The following TUT4 variants were observed in gnomAD, a reference collection of about 807,000 sequenced individuals.
The protein encoded by TUT4 is terminal uridylyltransferase 4.
In TUT4, 36 loss-of-function variants were observed where a neutral mutation model predicts 192.2. The ratio of observed to expected loss-of-function variants is 0.19; its 90% CI spans 0.14 to 0.25. TUT4 has a LOEUF of 0.25. Among genes scored for constraint, TUT4 ranks in the 10% least tolerant of loss-of-function variants. The probability of loss-of-function intolerance (pLI) is 1.00; values close to 1 mark genes in which losing one functional copy is unlikely to be tolerated. For synonymous variants in TUT4, 618 were observed against 666.0 expected (o/e 0.93, Z 1.11); for missense variants, 1,493 against 1,957.2 (o/e 0.76, Z 4.47).
At chr1:52,490,836 C>A in intron 7 of TUT4, 35 bp from the exon 8 acceptor site, 1 of 1,510,746 alleles carries the variant, frequency 6.6e-7, no homozygotes, top group Non-Finnish European at 9.1e-7. Context: ...CTAATGTCAA[C>A]ATCTCTAAAA....
At chr1:52,477,644 T>G (rs1667446052) in intron 12 of TUT4, 64 bp downstream of exon 12, 1 of 1,444,434 alleles carries the variant, frequency 6.9e-7, no homozygotes, top group Non-Finnish European at 9.4e-7. Context: ...TTATTAACAC[T>G]GAATTAGATA....
intron 20 of TUT4, among the ~76,000 whole-genome samples, chr1:52,457,242 T>C (rs1661235263): frequency 1.4e-5 from 2 of 146,984 alleles, no homozygotes. Context: ...TTTTCTTTTC[T>C]TTTTTTTTTT....
intron 7 of TUT4, among the ~76,000 whole-genome samples, chr1:52,491,267 T>C (rs1322474063): frequency 6.6e-6 from 1 of 152,142 alleles, no homozygotes; most frequent in Non-Finnish European, 1.5e-5. Context: ...TTCCCGTTAG[T>C]ATATGAAGAG....
At chr1:52,427,022 G>C (rs1231854970) in intron 28 of TUT4, among the ~76,000 whole-genome samples, 2 of 152,004 alleles carry the variant, frequency 1.3e-5, no homozygotes, top group African/African-American at 2.4e-5. Context: ...ATAATATTAA[G>C]TATAGCTTAT....
chr1:52,431,146 T>C lies in TUT4; in HGVS notation c.4578A>G (p.Leu1526=), dbSNP rs113324238. 2.7e-5 allele frequency: 44 copies of C among 1,614,238 alleles called. No individual in the cohort carries two copies. The East Asian group carries it at 3.6e-4, about 13-fold the overall frequency. ...APGSAPSNIG[L]NDPSIIFAQP... ...GTGCAAAGATGATGCTGGGATCATT[T>C]AGGCCAATATTGCTGGGGGCACTGC... Residue 1526 remains leucine, a synonymous_variant, in exon 28 of 30, where the codon CTA becomes CTG. Transcript: ENST00000257177.
At chr1:52,549,671 A>G (rs936483575) in intron 1 of TUT4, among the ~76,000 whole-genome samples, 2 of 152,224 alleles carry the variant, frequency 1.3e-5, no homozygotes, top group Non-Finnish European at 2.9e-5. Context: ...TCACATATAC[A>G]TTATATTAGG....
At chr1:52,538,968 A>G (rs1685740246) in intron 1 of TUT4, among the ~76,000 whole-genome samples, 1 of 152,264 alleles carries the variant, frequency 6.6e-6, no homozygotes, top group Admixed American at 6.5e-5. Context: ...GGAATCCCGG[A>G]ATTACAGATG....
At chr1:52,474,718 T>C (rs1666656264) in intron 13 of TUT4, 114 bp downstream of exon 13, 1 of 910,920 alleles carries the variant, frequency 1.1e-6, no homozygotes, top group Admixed American at 3.1e-5. Flanking sequence ...CAAAATATCA[T>C]TCCAAAACAA....
At chr1:52,477,561 T>C in intron 12 of TUT4, 147 bp downstream of exon 12, 4 of 805,276 alleles carry the variant, frequency 5.0e-6, no homozygotes, top group Non-Finnish European at 7.3e-6. Flanking sequence ...GGCAAGACCC[T>C]GTCTCTAAAA....
chr1:52,485,212 GTT>G (rs1669489434), intron 9 of TUT4, among the ~76,000 whole-genome samples: 1 of 152,032 alleles, frequency 6.6e-6, no homozygotes, highest in Non-Finnish European at 1.5e-5. Flanking sequence ...CTTCCTTAGT[GTT>G]TTATAATTTA....
At chr1:52,501,781 A>G (rs1257213785) in intron 4 of TUT4, among the ~76,000 whole-genome samples, 1 of 152,196 alleles carries the variant, frequency 6.6e-6, no homozygotes, top group East Asian at 1.9e-4. Context: ...TCAACCTCAA[A>G]AAGGAAAGAA....
At chr1:52,497,467 T>C (rs1372642229) in intron 4 of TUT4, among the ~76,000 whole-genome samples, 1 of 152,210 alleles carries the variant, frequency 6.6e-6, no homozygotes, top group East Asian at 1.9e-4. Context: ...AAAGCCAAGG[T>C]ACCTTAAGTA....
intron 13 of TUT4, among the ~76,000 whole-genome samples, chr1:52,472,584 T>C (rs1245090873): frequency 2.0e-5 from 3 of 150,872 alleles, no homozygotes; most frequent in Admixed American, 2.0e-4. Flanking sequence ...ATTAAATTAT[T>C]TAATATTTAA....
In TUT4 at chr1:52,503,621, G is replaced by A. The variant is rs116793460; in HGVS notation, c.999+5975C>T. 7.7e-3 allele frequency among the ~76,000 whole-genome samples: 1,176 copies of A among 151,928 alleles called. 3 individuals are homozygous for A. Among genetic ancestry groups the A allele is most frequent in the Middle Eastern group, 0.027 (8 of 294 alleles). ...TTTTTAATTGACAGGATTTTGCTAC[G>A]TGGCCCAGTATGGACCCAAACCCCT... On this transcript the variant is annotated intron_variant, in intron 4 of 29. Transcript: ENST00000257177.
rs762315650 is a variant in TUT4, at chr1:52,423,584, T to C, written c.*351A>G. ...CTAATAGAAAATAAAGAATGTAATT[T>C]TTTAAATTCTCTCTTTATACAATTC... On this transcript the variant is annotated 3_prime_UTR_variant, in exon 30 of 30. Transcript: ENST00000257177. 1.3e-5 allele frequency: 4 copies of C among 306,070 alleles called. No individual in the cohort carries two copies. Among genetic ancestry groups the C allele is most frequent in the Non-Finnish European group, 2.5e-5 (4 of 158,644 alleles). The allele number at this position is 306,070 out of a possible 1,614,324, so 19.0% of individuals were successfully genotyped here.
intron 14 of TUT4, among the ~76,000 whole-genome samples, chr1:52,471,008 C>CTTTT (rs771331613): frequency 3.7e-5 from 3 of 82,156 alleles, no homozygotes; most frequent in African/African-American, 6.1e-5. Flanking sequence ...GCACTCTATG[C>CTTTT]TTTTTTTTTT....
intron 19 of TUT4, among the ~76,000 whole-genome samples, chr1:52,460,705 G>C (rs1417443856): frequency 3.9e-5 from 6 of 152,154 alleles, no homozygotes; most frequent in Non-Finnish European, 8.8e-5. Flanking sequence ...GCAAAAGAAT[G>C]AGAAAACTAA....
At chr1:52,546,816 C>G (rs1471914218) in intron 1 of TUT4, among the ~76,000 whole-genome samples, 3 of 152,038 alleles carry the variant, frequency 2.0e-5, no homozygotes, top group Non-Finnish European at 1.5e-5. Context: ...AATGAGACAG[C>G]ATTTTTGTAA....
At chr1:52,472,377 T>C (rs1337433630) in intron 13 of TUT4, among the ~76,000 whole-genome samples, 1 of 151,988 alleles carries the variant, frequency 6.6e-6, no homozygotes, top group Non-Finnish European at 1.5e-5. Flanking sequence ...GCAGAAAGTA[T>C]GAGTTCATTC....
Sources: allele counts gnomAD v4.1 joint callset (sites outside exome capture counted in the v4.1 genomes callset), GRCh38; gene constraint gnomAD v4.1.1; transcripts MANE v1.5; gene names NCBI Gene and HGNC (gene_info 2026-07-23, HGNC 2026-07-21).